The following HAS3 variants were observed in gnomAD, a reference collection of about 807,000 sequenced individuals.
HAS3 encodes the protein HA synthase 3.
HAS3 carries 27 observed loss-of-function variants against 50.3 expected under a neutral mutation model. The observed-to-expected ratio is 0.54, with a 90% confidence interval of 0.40 to 0.74. The LOEUF is 0.74. Ranked by LOEUF, HAS3 falls within the 30% of genes least tolerant of loss-of-function variation. The probability of loss-of-function intolerance (pLI) is 0.00; values close to 1 mark genes in which losing one functional copy is unlikely to be tolerated. For synonymous variants in HAS3, 339 were observed against 310.9 expected (o/e 1.09, Z -0.95); for missense variants, 517 against 742.8 (o/e 0.70, Z 3.53).
the HAS3 span, among the ~76,000 whole-genome samples, chr16:69,099,068 T>G: frequency 1.3e-5 from 2 of 151,880 alleles, no homozygotes; most frequent in South Asian, 4.2e-4. Context: ...CCTCCCGGCT[T>G]CACGCCATTC....
chr16:69,103,291 G>T (rs1042369027), upstream of HAS3, among the ~76,000 whole-genome samples: 1 of 152,210 alleles, frequency 6.6e-6, no homozygotes, highest in African/African-American at 2.4e-5. Context: ...AAGGATCAGA[G>T]ATATCCTCAT....
At chr16:69,103,640 A>AC (rs1960718764), upstream of HAS3, among the ~76,000 whole-genome samples, 1 of 151,544 alleles carries the variant, frequency 6.6e-6, no homozygotes, top group African/African-American at 2.4e-5. Flanking sequence ...CAGGTGATCC[A>AC]CCCGCCTCAG....
At chr16:69,083,832 G>C in the HAS3 span, 1 of 648,196 alleles carries the variant, frequency 1.5e-6, no homozygotes, top group East Asian at 2.8e-5. Flanking sequence ...CCGAGGGCAT[G>C]TGTTCAGCAC....
In HAS3 at chr16:69,117,652, T is replaced by C; in HGVS notation, c.*2386T>C. ...TTGTCAAAATAAAGATTCTCACATA[T>C]GCCGGTTATCTCGAAACTACTACTT... On this transcript the variant is annotated 3_prime_UTR_variant, in exon 4 of 4. Transcript: ENST00000569188. 3.1e-6 allele frequency: 3 copies of C among 958,552 alleles called. No individual in the cohort carries two copies. Among genetic ancestry groups the C allele is most frequent in the Non-Finnish European group, 2.5e-6 (2 of 805,504 alleles). The allele number at this position is 958,552 out of a possible 1,614,324, so 59.4% of individuals were successfully genotyped here. A position where few individuals can be genotyped will look rare whatever the true frequency, so the allele number is the denominator to read the frequency against.
upstream of HAS3, among the ~76,000 whole-genome samples, chr16:69,103,003 A>ATGTG (rs35175934): frequency 0.025 from 3,502 of 138,730 alleles, 64 homozygotes; most frequent in African/African-American, 0.049. Context: ...TGGAGTGTGC[A>ATGTG]TGTGTGTGTG....
At position 69,111,347 on chromosome 16, in the gene HAS3, C is replaced by T. The variant is rs1483231564; in HGVS notation, c.636+1316C>T. 4.6e-5 allele frequency among the ~76,000 whole-genome samples: 7 copies of T among 152,064 alleles called. No homozygotes were observed. The East Asian group carries it at 1.2e-3, about 25-fold the overall frequency. ...TTGGCCTCCCAAAGTGCTAGGATTACAGGCGTGAGCCACCGCACCTGGCCT... is the reference window on the plus strand; with the variant it reads ...TTGGCCTCCCAAAGTGCTAGGATTATAGGCGTGAGCCACCGCACCTGGCCT... On this transcript the variant is annotated intron_variant, in intron 2 of 3. Transcript: ENST00000569188.
At chr16:69,098,596 G>GA in the HAS3 span, among the ~76,000 whole-genome samples, 23 of 136,060 alleles carry the variant, frequency 1.7e-4, no homozygotes, top group Non-Finnish European at 2.4e-4. Flanking sequence ...AAATTTCAGA[G>GA]AAAAAAAATC....
chr16:69,087,591 G>C, the HAS3 span, among the ~76,000 whole-genome samples: 23 of 151,166 alleles, frequency 1.5e-4, no homozygotes, highest in South Asian at 4.0e-3. Flanking sequence ...GTAGAGACAG[G>C]GTTTCACCTT....
intron 2 of HAS3, among the ~76,000 whole-genome samples, chr16:69,111,763 T>G (rs540057099): frequency 5.3e-5 from 8 of 152,198 alleles, no homozygotes; most frequent in Non-Finnish European, 1.2e-4. Flanking sequence ...TGTGAAACTT[T>G]CCTGGGGACC....
chr16:69,086,139 A>T, the HAS3 span, among the ~76,000 whole-genome samples: 5 of 151,146 alleles, frequency 3.3e-5, no homozygotes, highest in South Asian at 8.4e-4. Flanking sequence ...AAGTGTTGGG[A>T]TTACAGGCAT....
At chr16:69,111,643 A>G (rs886368656) in intron 2 of HAS3, among the ~76,000 whole-genome samples, 1 of 152,054 alleles carries the variant, frequency 6.6e-6, no homozygotes, top group Non-Finnish European at 1.5e-5. Flanking sequence ...GAGGGTTGAT[A>G]TGTTTATCTT....
In HAS3 at chr16:69,116,893, A is replaced by AC; in HGVS notation, c.*1628dup. On this transcript the variant is annotated 3_prime_UTR_variant, in exon 4 of 4. Transcript: ENST00000569188. ...GAACCAGCACTAAGGTGGACAGCAG[A>AC]CAAGAGGGCAAGCCTCTAGTGTACC... 1 of 985,484 alleles carries AC rather than the reference A, an allele frequency of 1.0e-6. No homozygotes were observed. Among genetic ancestry groups the AC allele is most frequent in the Middle Eastern group, 5.2e-4 (1 of 1,914 alleles). 61.0% of individuals were successfully genotyped at this position (985,484 alleles called of 1,614,324 possible).
rs1363934339 is a variant in HAS3, at chr16:69,117,022, T to TAAC, written c.*1758_*1760dup. The TAAC allele has an allele frequency of 3.0e-6, 3 of 985,358 alleles. No individual in the cohort carries two copies. In the African/African-American group the frequency reaches 5.2e-5, roughly 17 times the overall value. 61.0% of individuals were successfully genotyped at this position (985,358 alleles called of 1,614,324 possible). ...AACTCAAGGGTTTTCCAGGTGTAGC[T>TAAC]AACAGTTGCCACATCACACAGACCT... On this transcript the variant is annotated 3_prime_UTR_variant, in exon 4 of 4. Coordinates refer to ENST00000569188, the MANE Select transcript of HAS3 (RefSeq NM_001199280.2).
chr16:69,087,525 T>C, the HAS3 span, among the ~76,000 whole-genome samples: 1 of 151,872 alleles, frequency 6.6e-6, no homozygotes, highest in Non-Finnish European at 1.5e-5. Context: ...TTTCCCAATC[T>C]CCTCTTCCAC....
upstream of HAS3, among the ~76,000 whole-genome samples, chr16:69,104,992 G>GTTTT (rs565397720): frequency 0.014 from 1,156 of 81,940 alleles, 148 homozygotes; most frequent in African/African-American, 0.032. Context: ...CTGTTTTTTG[G>GTTTT]TTTTTTTTTT....
chr16:69,099,197 T>C, the HAS3 span, among the ~76,000 whole-genome samples: 2 of 151,120 alleles, frequency 1.3e-5, no homozygotes, highest in Non-Finnish European at 2.9e-5. Context: ...GGTCTCGATC[T>C]CCTGACCTTG....
the HAS3 span, chr16:69,083,570 C>G: frequency 6.2e-7 from 1 of 1,607,666 alleles, no homozygotes; most frequent in Non-Finnish European, 8.5e-7. Context: ...AAGCTCCATG[C>G]CCAGTTGGCC....
At chr16:69,094,090 G>A in the HAS3 span, among the ~76,000 whole-genome samples, 1 of 152,224 alleles carries the variant, frequency 6.6e-6, no homozygotes, top group African/African-American at 2.4e-5. Context: ...GTGGTTTGCA[G>A]AGTGGGTGTG....
upstream of HAS3, among the ~76,000 whole-genome samples, chr16:69,103,304 G>A (rs1006693534): frequency 6.6e-6 from 1 of 152,176 alleles, no homozygotes; most frequent in Admixed American, 6.5e-5. Flanking sequence ...ATCCTCATCT[G>A]CAGCAACTCC....
Sources: gnomAD v4.1 joint callset for allele counts (sites outside exome capture counted in the v4.1 genomes callset) on GRCh38, gnomAD v4.1.1 for gene constraint, MANE v1.5 for transcripts, NCBI Gene and HGNC (gene_info 2026-07-23, HGNC 2026-07-21) for gene names.